ULK2: variants seen among roughly 807,000 people sequenced by gnomAD.
ULK2 encodes the protein serine/threonine-protein kinase ULK2.
In ULK2, 76 loss-of-function variants were observed where a neutral mutation model predicts 127.5. The observed-to-expected ratio is 0.60, with a 90% confidence interval of 0.50 to 0.72. The LOEUF is 0.72. ULK2 is among the 30% of genes least tolerant of loss of function. The pLI, the probability that ULK2 is intolerant of heterozygous loss-of-function variation, is 0.00. For missense variants in ULK2, 1,144 were observed against 1,295.9 expected (o/e 0.88, Z 1.80); for synonymous variants, 452 against 461.9 (o/e 0.98, Z 0.28).
chr17:19,839,727 C>T (rs2041692431), intron 9 of ULK2, among the ~76,000 whole-genome samples: 1 of 150,790 alleles, frequency 6.6e-6, no homozygotes, highest in Non-Finnish European at 1.5e-5. Flanking sequence ...GAGCCAAATT[C>T]ACTAATAAAG....
chr17:19,784,145 G>A (rs1333863611), intron 21 of ULK2: 1 of 348,756 alleles, frequency 2.9e-6, no homozygotes, highest in African/African-American at 2.1e-5. Flanking sequence ...TTTATACTCT[G>A]TTTTAAACAA....
At chr17:19,776,470 T>C (rs917580513) in intron 26 of ULK2, 63 bp from the exon 27 acceptor site, 1 of 1,398,224 alleles carries the variant, frequency 7.2e-7, no homozygotes, top group African/African-American at 1.5e-5. Context: ...TCATCTCTAT[T>C]CTATCTTTGC....
chr17:19,822,915 C>T (rs960200041), intron 12 of ULK2, among the ~76,000 whole-genome samples: 2 of 151,318 alleles, frequency 1.3e-5, no homozygotes, highest in East Asian at 1.9e-4. Context: ...CTTGATATCC[C>T]GGTCTCATGA....
intron 16 of ULK2, among the ~76,000 whole-genome samples, chr17:19,800,151 G>T (rs995018246): frequency 6.6e-6 from 1 of 152,148 alleles, no homozygotes; most frequent in African/African-American, 2.4e-5. Flanking sequence ...CCTCCTTCCT[G>T]CCCTCCTTTT....
At chr17:19,816,677 T>C in intron 13 of ULK2, 72 bp downstream of exon 13, 2 of 1,384,752 alleles carry the variant, frequency 1.4e-6, no homozygotes, top group South Asian at 3.8e-5. Context: ...AAGTGTAATA[T>C]ATGGGTTAAA....
At chr17:19,826,216 A>T (rs1356475332) in intron 10 of ULK2, 30 bp from the exon 11 acceptor site, 2 of 1,342,064 alleles carry the variant, frequency 1.5e-6, no homozygotes, top group South Asian at 1.7e-5. Context: ...TGCAACCTTT[A>T]AAGAGACATT....
At position 19,867,507 on chromosome 17, in the gene ULK2, C is replaced by T; in HGVS notation, c.-90G>A. 2.0e-6 allele frequency: 2 copies of T among 997,376 alleles called. No individual in the cohort carries two copies. The highest frequency in any genetic ancestry group is 1.3e-6 in the Non-Finnish European group (1 of 748,404). 61.8% of individuals were successfully genotyped at this position (997,376 alleles called of 1,614,324 possible). A position where few individuals can be genotyped will look rare whatever the true frequency, so the allele number is the denominator to read the frequency against. On this transcript the variant is annotated 5_prime_UTR_variant, in exon 1 of 27. Transcript: ENST00000395544. ...GCGGCTCCGCGGGCCCGGAGCGCGCCAGCGTGCGGCGGGTCTGGGGCAGCC... is the reference window on the plus strand; with the variant it reads ...GCGGCTCCGCGGGCCCGGAGCGCGCTAGCGTGCGGCGGGTCTGGGGCAGCC...
At chr17:19,782,860 G>C (rs1228154203) in intron 22 of ULK2, among the ~76,000 whole-genome samples, 13 of 152,142 alleles carry the variant, frequency 8.5e-5, no homozygotes, top group Admixed American at 8.5e-4. Flanking sequence ...AAGTTAGAGT[G>C]AGCTGAGATC....
intron 10 of ULK2, among the ~76,000 whole-genome samples, chr17:19,828,222 A>C (rs117415321): frequency 6.6e-6 from 1 of 152,338 alleles, no homozygotes; most frequent in Non-Finnish European, 1.5e-5. Flanking sequence ...AAGCTGAGGG[A>C]ATTCATTACC....
In ULK2 at chr17:19,867,318, C is replaced by T. The variant is rs762043159; in HGVS notation, c.90+10G>A. 1.4e-5 allele frequency: 22 copies of T among 1,573,962 alleles called. No homozygotes were observed. The Admixed American group carries it at 4.0e-4, about 29-fold the overall frequency. On this transcript the variant is annotated intron_variant, in intron 1 of 26. Coordinates refer to ENST00000395544, the MANE Select transcript of ULK2 (RefSeq NM_014683.4). Reference sequence around the variant, plus strand: ...GCCCGGGGCCCGGCCTCGCCCCGGCCGGCGCTCACCTGGCGGTGCCGCCCC... The same window carrying T: ...GCCCGGGGCCCGGCCTCGCCCCGGCTGGCGCTCACCTGGCGGTGCCGCCCC...
Position 19,804,839 on chromosome 17 carries a change from G to A in ULK2, c.1158-9C>T, listed in dbSNP as rs758734542. 34 of 1,608,636 alleles carry A rather than the reference G, an allele frequency of 2.1e-5. No homozygotes were observed. The highest frequency in any genetic ancestry group is 8.9e-5 in the East Asian group (4 of 44,784). On this transcript the variant is annotated splice_polypyrimidine_tract_variant and intron_variant, in intron 14 of 26. Coordinates refer to ENST00000395544, the MANE Select transcript of ULK2 (RefSeq NM_014683.4). ...CAGTAGGCTGACACTGCCTGCAATC[G>A]TAATTTATTGAAAAAGGAAAGAAAC...
At chr17:19,838,732 A>C in intron 9 of ULK2, 149 bp from the exon 10 acceptor site, 1 of 651,104 alleles carries the variant, frequency 1.5e-6, no homozygotes, top group Middle Eastern at 2.9e-4. Context: ...AGAGTCATCT[A>C]AAGAAGGGAA....
Position 19,846,749 on chromosome 17 carries a change from G to A in ULK2, c.457C>T (p.Arg153Cys), listed in dbSNP as rs374423970. 8 of 1,607,214 alleles carry A rather than the reference G, an allele frequency of 5.0e-6. No homozygotes were observed. The highest frequency in any genetic ancestry group is 2.2e-5 in the South Asian group (2 of 89,268). Residue 153 changes from arginine (R) to cysteine (C), a missense_variant, in exon 6 of 27, where the codon CGC (arginine) becomes TGC (cysteine). By Grantham distance (180) the Arg-to-Cys change is radical. Around this residue, in one of 2 missense-constraint regions of ULK2, gnomAD observed 231 missense variants for 325.4 expected, o/e 0.71. Transcript: ENST00000395544. ...CATGGCCATTTACCTATTTTGATGCGAATACCACTGACACTTGATTTTCTG... is the reference window on the plus strand; with the variant it reads ...CATGGCCATTTACCTATTTTGATGCAAATACCACTGACACTTGATTTTCTG... Reference protein sequence around the residue: ...NRRKSSVSGIRIKIADFGFAR... With the variant: ...NRRKSSVSGICIKIADFGFAR...
At chr17:19,783,573 C>T (rs906831606) in intron 22 of ULK2, 124 bp downstream of exon 22, 3 of 1,012,696 alleles carry the variant, frequency 3.0e-6, no homozygotes, top group Non-Finnish European at 4.0e-6. Flanking sequence ...ACTTTTCAAA[C>T]AGAAAAGGCA....
At chr17:19,856,648 G>A (rs2042134564) in intron 3 of ULK2, among the ~76,000 whole-genome samples, 1 of 150,644 alleles carries the variant, frequency 6.6e-6, no homozygotes, top group African/African-American at 2.4e-5. Context: ...TTTTATATAT[G>A]TCAATTTGTT....
At chr17:19,863,140 G>T (rs982105541) in intron 3 of ULK2, among the ~76,000 whole-genome samples, 2 of 151,964 alleles carry the variant, frequency 1.3e-5, no homozygotes, top group Admixed American at 6.6e-5. Context: ...CTTTAACCCG[G>T]GGGGGCAGAG....
intron 10 of ULK2, 46 bp downstream of exon 10, chr17:19,838,455 T>C (rs377544818): frequency 1.3e-4 from 202 of 1,510,108 alleles, no homozygotes; most frequent in Non-Finnish European, 1.8e-4. Context: ...TCGGCATATA[T>C]AACAATAAAA....
intron 13 of ULK2, among the ~76,000 whole-genome samples, chr17:19,813,827 T>C (rs2040901648): frequency 6.6e-6 from 1 of 152,212 alleles, no homozygotes; most frequent in African/African-American, 2.4e-5. Context: ...AAATACACAT[T>C]CATAATTAGG....
At chr17:19,852,633 A>AT (rs777899834) in intron 3 of ULK2, among the ~76,000 whole-genome samples, 2,639 of 143,342 alleles carry the variant, frequency 0.018, 50 homozygotes, top group African/African-American at 0.048. Flanking sequence ...AATAAAGTAA[A>AT]TTTTTTTTTT....
Sources: gnomAD v4.1 joint callset for allele counts (sites outside exome capture counted in the v4.1 genomes callset) on GRCh38, gnomAD v4.1.1 for gene constraint, gnomAD v4.1.1 regional missense constraint, MANE v1.5 for transcripts, NCBI Gene and HGNC (gene_info 2026-07-23, HGNC 2026-07-21) for gene names.